Variants in SV2C observed in about 807,000 individuals in gnomAD.
SV2C encodes solute carrier family 22 member B3.
In SV2C, 49 loss-of-function variants were observed where a neutral mutation model predicts 79.7. The observed-to-expected ratio is 0.61, with a 90% CI of 0.49 to 0.78. The LOEUF is 0.78. SV2C is among the 30% of genes least tolerant of loss of function. The probability of loss-of-function intolerance (pLI) is 0.00; values close to 1 mark genes in which losing one functional copy is unlikely to be tolerated. For synonymous variants in SV2C, 334 were observed against 333.2 expected (o/e 1.00, Z -0.03); for missense variants, 833 against 912.9 (o/e 0.91, Z 1.13).
chr5:76,080,191 G>T (rs537017727), upstream of SV2C, among the ~76,000 whole-genome samples: 8 of 151,964 alleles, frequency 5.3e-5, no homozygotes, highest in East Asian at 1.5e-3. Context: ...AAAATGTGGT[G>T]CTTATAAGAC....
At chr5:75,982,967 G>T in the SV2C span, among the ~76,000 whole-genome samples, 2 of 152,190 alleles carry the variant, frequency 1.3e-5, no homozygotes, top group Admixed American at 6.5e-5. Flanking sequence ...CTTTTGGAGG[G>T]GGGAGGGTGA....
intron 4 of SV2C, among the ~76,000 whole-genome samples, chr5:76,231,255 A>G (rs1324664453): frequency 6.6e-6 from 1 of 152,348 alleles, no homozygotes; most frequent in Middle Eastern, 3.4e-3. Flanking sequence ...TTTAATAAGT[A>G]TGTGAAATGA....
At chr5:76,301,593 A>C (rs1376585175) in intron 12 of SV2C, 48 bp downstream of exon 12, 1 of 1,569,090 alleles carries the variant, frequency 6.4e-7, no homozygotes, top group East Asian at 2.3e-5. Flanking sequence ...GCCCTGTGAG[A>C]CCACTGAAAA....
the SV2C span, among the ~76,000 whole-genome samples, chr5:75,997,510 C>T: frequency 1.4e-4 from 22 of 151,986 alleles, no homozygotes; most frequent in Admixed American, 1.4e-3. Context: ...AACAAACAAC[C>T]CCATCAAAAA....
At chr5:76,052,535 T>C in the SV2C span, among the ~76,000 whole-genome samples, 1 of 152,220 alleles carries the variant, frequency 6.6e-6, no homozygotes, top group African/African-American at 2.4e-5. Flanking sequence ...TACCAGGGAC[T>C]TGGGACCTGG....
chr5:76,251,279 A>C (rs750430888), intron 4 of SV2C, among the ~76,000 whole-genome samples: 2 of 152,116 alleles, frequency 1.3e-5, no homozygotes, highest in African/African-American at 2.4e-5. Context: ...ATGGTGGCTC[A>C]TGCCTGTAAT....
chr5:76,310,146 T>C (rs1270027798), intron 12 of SV2C, among the ~76,000 whole-genome samples: 1 of 152,206 alleles, frequency 6.6e-6, no homozygotes, highest in Non-Finnish European at 1.5e-5. Context: ...AAGCTTTGCC[T>C]TGATAGAGCT....
exon 13 of SV2C, chr5:76,353,252 CA>C (rs1335848362): frequency 3.5e-6 from 1 of 282,956 alleles, no homozygotes; most frequent in African/African-American, 2.3e-5. Flanking sequence ...GCTTTCTTTC[CA>C]TTTTTGAGGA....
intron 1 of SV2C, among the ~76,000 whole-genome samples, chr5:76,119,423 G>C (rs1340274335): frequency 1.3e-5 from 2 of 152,160 alleles, no homozygotes; most frequent in African/African-American, 4.8e-5. Flanking sequence ...AGCAGTGTGT[G>C]GGAGCTGACA....
At chr5:76,079,200 C>G (rs181197899), upstream of SV2C, 1 of 339,084 alleles carries the variant, frequency 2.9e-6, no homozygotes, top group Non-Finnish European at 6.0e-6. Flanking sequence ...TTGGCATATA[C>G]CTGGGCCATC....
the SV2C span, among the ~76,000 whole-genome samples, chr5:76,057,891 C>T: frequency 4.9e-4 from 74 of 152,032 alleles, no homozygotes; most frequent in African/African-American, 1.7e-3. Flanking sequence ...CTTGAAACAG[C>T]GTGTTTATGA....
intron 4 of SV2C, among the ~76,000 whole-genome samples, chr5:76,250,048 G>A (rs1283235694): frequency 1.3e-5 from 2 of 152,242 alleles, no homozygotes; most frequent in East Asian, 3.9e-4. Flanking sequence ...ATAGAAATCA[G>A]GTGTGAAATT....
the SV2C span, among the ~76,000 whole-genome samples, chr5:76,063,560 A>G: frequency 6.6e-6 from 1 of 152,130 alleles, no homozygotes; most frequent in East Asian, 1.9e-4. Flanking sequence ...TGAGCAGCCC[A>G]TAATGTGATT....
chr5:76,238,566 G>A (rs1041336800), intron 4 of SV2C, among the ~76,000 whole-genome samples: 13 of 152,136 alleles, frequency 8.5e-5, no homozygotes, highest in African/African-American at 1.7e-4. Flanking sequence ...AGCGAAGCAC[G>A]GAAAATCTGA....
In SV2C at chr5:76,133,698, A is replaced by G. The variant is rs146971319; in HGVS notation, c.580+1368A>G. On this transcript the variant is annotated intron_variant, in intron 2 of 12. Transcript: ENST00000502798. ...GTGTGTTCCACTATCAAATGCAGAC[A>G]TCACCACGCTTCAGAGGAGGGTCCT... 5.3e-5 allele frequency among the ~76,000 whole-genome samples: 8 copies of G among 152,330 alleles called. No individual in the cohort carries two copies. The East Asian group carries it at 1.5e-3, about 29-fold the overall frequency.
the SV2C span, among the ~76,000 whole-genome samples, chr5:76,002,277 T>A: frequency 6.6e-6 from 1 of 152,200 alleles, no homozygotes; most frequent in African/African-American, 2.4e-5. Context: ...TATAAACATG[T>A]GTGTGCATGT....
intron 2 of SV2C, among the ~76,000 whole-genome samples, chr5:76,144,053 GCAC>G (rs1261486805): frequency 1.3e-5 from 2 of 152,144 alleles, no homozygotes; most frequent in East Asian, 3.8e-4. Context: ...TCCAAAAAGT[GCAC>G]AATCTCAGTT....
At chr5:76,152,879 C>G (rs1391021390) in intron 2 of SV2C, among the ~76,000 whole-genome samples, 1 of 152,210 alleles carries the variant, frequency 6.6e-6, no homozygotes, top group Non-Finnish European at 1.5e-5. Context: ...TAGGCTGGTA[C>G]TGCACATCAC....
chr5:75,946,537 T>C, the SV2C span, among the ~76,000 whole-genome samples: 2 of 152,102 alleles, frequency 1.3e-5, no homozygotes, highest in Non-Finnish European at 2.9e-5. Context: ...TTTTTTGAAA[T>C]TGTTTTAACT....
Sources: gnomAD v4.1 joint callset for allele counts (sites outside exome capture counted in the v4.1 genomes callset) on GRCh38, gnomAD v4.1.1 for gene constraint, MANE v1.5 for transcripts, NCBI Gene and HGNC (gene_info 2026-07-23, HGNC 2026-07-21) for gene names.